The following COL11A1 variants were observed in gnomAD, a reference collection of about 807,000 sequenced individuals.
The protein encoded by COL11A1 is collagen type XI alpha 1 chain.
In COL11A1, 74 loss-of-function variants were observed where a neutral mutation model predicts 265.2. That is an observed-to-expected ratio of 0.28 (90% CI 0.23 to 0.34). The LOEUF (loss-of-function observed/expected upper bound fraction) is 0.34. Among genes scored for constraint, COL11A1 ranks in the 10% least tolerant of loss-of-function variants. The pLI is 1.00. For synonymous variants in COL11A1, 816 were observed against 727.6 expected, an observed-to-expected ratio of 1.12 and a Z score of -1.96; for missense variants, 2,165 against 2,263.6, an observed-to-expected ratio of 0.96 and a Z score of 0.88.
intron 54 of COL11A1, among the ~76,000 whole-genome samples, chr1:102,909,811 G>T (rs968920657): frequency 6.6e-6 from 1 of 151,818 alleles, no homozygotes. Flanking sequence ...ATTGAGGGGA[G>T]GTCTTCCTAG....
At chr1:102,914,834 A>AAG (rs1553201317) in intron 50 of COL11A1, 23 bp from the exon 51 acceptor site, 20 of 1,555,414 alleles carry the variant, frequency 1.3e-5, no homozygotes, top group South Asian at 5.7e-5. Flanking sequence ...AAAAAAAAAA[A>AAG]AAGAAGAAGA....
At chr1:103,102,455 A>G (rs1674353695) in intron 1 of COL11A1, among the ~76,000 whole-genome samples, 1 of 152,006 alleles carries the variant, frequency 6.6e-6, no homozygotes, top group East Asian at 1.9e-4. Context: ...TCAAAAAAGA[A>G]AAAGTTTGGT....
intron 1 of COL11A1, among the ~76,000 whole-genome samples, chr1:103,088,516 C>T (rs928876657): frequency 2.6e-5 from 4 of 152,002 alleles, no homozygotes; most frequent in Non-Finnish European, 4.4e-5. Flanking sequence ...AATAAAAGGA[C>T]AATATTTTGT....
intron 50 of COL11A1, among the ~76,000 whole-genome samples, chr1:102,915,385 A>C (rs1036419087): frequency 2.0e-5 from 3 of 152,224 alleles, no homozygotes; most frequent in African/African-American, 7.2e-5. Flanking sequence ...TGTATACAGT[A>C]AACAGCCCAT....
intron 26 of COL11A1, among the ~76,000 whole-genome samples, chr1:102,996,522 A>G (rs1458873670): frequency 6.6e-6 from 1 of 151,824 alleles, no homozygotes; most frequent in African/African-American, 2.4e-5. Context: ...TAGTCTATCT[A>G]GATAAAATGT....
intron 2 of COL11A1, among the ~76,000 whole-genome samples, chr1:103,079,172 C>A (rs1475695133): frequency 6.6e-6 from 1 of 152,188 alleles, no homozygotes. Context: ...CACATAACCA[C>A]CACTCTTAAA....
intron 5 of COL11A1, among the ~76,000 whole-genome samples, chr1:103,029,717 A>G (rs75118715): frequency 0.042 from 6,439 of 152,120 alleles, 237 homozygotes; most frequent in African/African-American, 0.097. Context: ...TGACATCTCA[A>G]CAGAATGTTA....
chr1:102,949,996 A>G (rs1045470881), intron 41 of COL11A1, among the ~76,000 whole-genome samples: 3 of 152,176 alleles, frequency 2.0e-5, no homozygotes, highest in Admixed American at 1.3e-4. Flanking sequence ...TACACAATTC[A>G]TTAGAATCTC....
chr1:102,933,669 G>C (rs1162068515), intron 46 of COL11A1, among the ~76,000 whole-genome samples: 1 of 152,166 alleles, frequency 6.6e-6, no homozygotes, highest in Non-Finnish European at 1.5e-5. Context: ...CTGGGCAATG[G>C]CGGGCGCCCC....
At chr1:103,026,141 G>T in intron 6 of COL11A1, 75 bp downstream of exon 6, 1 of 1,239,676 alleles carries the variant, frequency 8.1e-7, no homozygotes, top group South Asian at 1.2e-5. Flanking sequence ...GTAAGTTTGA[G>T]GAACAGTCAA....
At chr1:102,988,655 G>A (rs1663821656) in intron 29 of COL11A1, among the ~76,000 whole-genome samples, 1 of 152,064 alleles carries the variant, frequency 6.6e-6, no homozygotes, top group African/African-American at 2.4e-5. Flanking sequence ...ATAAACAACT[G>A]AATATAGTCT....
At chr1:102,940,710 G>A (rs1285264492) in intron 42 of COL11A1, among the ~76,000 whole-genome samples, 1 of 152,044 alleles carries the variant, frequency 6.6e-6, no homozygotes, top group Non-Finnish European at 1.5e-5. Context: ...TGACAAATCA[G>A]ATTTCTTACA....
At chr1:102,897,601 T>C (rs1358367348) in intron 57 of COL11A1, among the ~76,000 whole-genome samples, 2 of 152,138 alleles carry the variant, frequency 1.3e-5, no homozygotes, top group Non-Finnish European at 2.9e-5. Flanking sequence ...CAAAATACTT[T>C]ATTGCATTTC....
chr1:102,925,535 T>C (rs1050412591), intron 46 of COL11A1, among the ~76,000 whole-genome samples: 1 of 152,232 alleles, frequency 6.6e-6, no homozygotes, highest in African/African-American at 2.4e-5. Flanking sequence ...GTCAGTAAGA[T>C]GTCTAAGAAA....
At chr1:102,898,626 G>A (rs750803571) in intron 56 of COL11A1, 40 bp downstream of exon 56, 3 of 1,537,220 alleles carry the variant, frequency 2.0e-6, no homozygotes, top group East Asian at 2.3e-5. Flanking sequence ...AAATAAAAAT[G>A]TTATTTTCAA....
intron 57 of COL11A1, among the ~76,000 whole-genome samples, chr1:102,895,606 G>T (rs1290744587): frequency 6.6e-6 from 1 of 151,896 alleles, no homozygotes; most frequent in Non-Finnish European, 1.5e-5. Context: ...TATTATTATA[G>T]CTTTCACACA....
intron 44 of COL11A1, among the ~76,000 whole-genome samples, chr1:102,938,526 C>A (rs190916431): frequency 1.3e-5 from 2 of 152,118 alleles, no homozygotes; most frequent in Admixed American, 1.3e-4. Flanking sequence ...TGTTTAAATA[C>A]ATAATTTAAA....
chr1:103,041,034 T>C (rs1188771572), intron 4 of COL11A1, among the ~76,000 whole-genome samples: 1 of 151,920 alleles, frequency 6.6e-6, no homozygotes, highest in Non-Finnish European at 1.5e-5. Context: ...TGACACATAA[T>C]GATTAACTTT....
At chr1:102,924,559 GTGT>G (rs1454371066) in intron 46 of COL11A1, among the ~76,000 whole-genome samples, 2 of 152,076 alleles carry the variant, frequency 1.3e-5, no homozygotes, top group Non-Finnish European at 2.9e-5. Flanking sequence ...GATCTTTTAG[GTGT>G]TAACTGTTTA....
Sources: allele counts gnomAD v4.1 joint callset (sites outside exome capture counted in the v4.1 genomes callset), GRCh38; gene constraint gnomAD v4.1.1; transcripts MANE v1.5; gene names NCBI Gene and HGNC (gene_info 2026-07-23, HGNC 2026-07-21).